CTSB: variants seen among roughly 807,000 people sequenced by gnomAD.
CTSB encodes cathepsin B, also known as APP secretase.
In CTSB, 57 loss-of-function variants were observed where a neutral mutation model predicts 44.3. The ratio of observed to expected loss-of-function variants is 1.29; its 90% confidence interval spans 1.04 to 1.60. The LOEUF (loss-of-function observed/expected upper bound fraction) is 1.60. CTSB is among the 40% of genes most tolerant of loss of function. CTSB has a pLI of 0.00. For synonymous variants in CTSB, 320 were observed against 168.0 expected, an observed-to-expected ratio of 1.91 and a Z score of -7.00; for missense variants, 768 against 443.0, an observed-to-expected ratio of 1.73 and a Z score of -6.59.
chr8:11,854,089 G>C (rs1425948624), intron 1 of CTSB, among the ~76,000 whole-genome samples: 1 of 152,144 alleles, frequency 6.6e-6, no homozygotes, highest in East Asian at 1.9e-4. Flanking sequence ...CTCTCACCTC[G>C]ATGCCCCAGC....
rs200664537 is a variant in CTSB, at chr8:11,847,084, G to A, written c.761C>T (p.Ser254Phe). The change falls in exon 8 of 10, where the codon TCT becomes TTT. Residue 254 changes from serine (S) to phenylalanine (F), a missense_variant. Coordinates refer to ENST00000353047, the MANE Select transcript of CTSB (RefSeq NM_001908.5). ...YKNGPVEGAF[S>F]VYSDFLLYKS... Reference sequence around the variant, plus strand: ...GTAGAGCAGGAAGTCCGAATACACAGAGAAAGCTCCCTCCACGGGGCCGTT... The same window carrying A: ...GTAGAGCAGGAAGTCCGAATACACAAAGAAAGCTCCCTCCACGGGGCCGTT... 3 of 1,608,718 alleles carry A rather than the reference G, an allele frequency of 1.9e-6. No individual in the cohort carries two copies. Among genetic ancestry groups the A allele is most frequent in the Non-Finnish European group, 2.6e-6 (3 of 1,176,308 alleles).
intron 1 of CTSB, among the ~76,000 whole-genome samples, chr8:11,860,008 GT>G (rs1324862881): frequency 6.6e-6 from 1 of 151,574 alleles, no homozygotes; most frequent in Non-Finnish European, 1.5e-5. Context: ...GGAGGCAGAG[GT>G]TGCAGTGAGC....
rs201207819 is a variant in CTSB, at chr8:11,849,189, G to A, written c.328-25C>T. On this transcript the variant is annotated intron_variant, in intron 4 of 9. Coordinates refer to ENST00000353047, the MANE Select transcript of CTSB (RefSeq NM_001908.5). The stretch of plus-strand genomic sequence containing the variant: ...CCTGCAGGAACGAGCCCCACCGGGT[G>A]AGGCTGCCATGTCCGGGCTGGGCCC... The A allele has an allele frequency of 1.6e-5, 26 of 1,597,660 alleles. No individual in the cohort carries two copies. The Admixed American group carries it at 4.0e-4, about 25-fold the overall frequency.
chr8:11,856,568 G>A (rs770199277), intron 1 of CTSB, among the ~76,000 whole-genome samples: 4 of 152,170 alleles, frequency 2.6e-5, no homozygotes, highest in Admixed American at 1.3e-4. Flanking sequence ...CAGCCTGGAC[G>A]ACAGATTGAG....
intron 9 of CTSB, 87 bp from the exon 10 acceptor site, chr8:11,845,309 C>A (rs1813068141): frequency 9.9e-7 from 1 of 1,005,322 alleles, no homozygotes; most frequent in South Asian, 1.4e-5. Flanking sequence ...TTAAGTCACT[C>A]ATCCCTGGCC....
intron 1 of CTSB, among the ~76,000 whole-genome samples, chr8:11,855,475 T>A (rs932069073): frequency 1.5e-4 from 23 of 151,846 alleles, no homozygotes; most frequent in African/African-American, 5.6e-4. Flanking sequence ...TGGACAACAT[T>A]GTGAGACCCC....
chr8:11,854,136 G>A (rs1427501093), intron 1 of CTSB, among the ~76,000 whole-genome samples: 1 of 152,222 alleles, frequency 6.6e-6, no homozygotes, highest in Non-Finnish European at 1.5e-5. Flanking sequence ...TCACAAGCCA[G>A]TGCTTTCCAG....
rs1166104499 is a variant in CTSB at position 11,845,136 on chromosome 8, C to G, written c.1009G>C (p.Glu337Gln). ...AGIPRTDQYW[E>Q]KI ...AGGCCCACGGCAGATTAGATCTTTT[C>G]CCAGTACTGATCGGTGCGTGGAATT... The change falls in exon 10 of 10, where the codon GAA becomes CAA. Residue 337 changes from glutamate to glutamine, a missense_variant. Coordinates refer to ENST00000353047, the MANE Select transcript of CTSB (RefSeq NM_001908.5). 6.2e-7 allele frequency: 1 copy of G among 1,612,750 alleles called. No individual in the cohort carries two copies. Among genetic ancestry groups the G allele is most frequent in the Non-Finnish European group, 8.5e-7 (1 of 1,178,716 alleles).
At chr8:11,858,978 A>C (rs1231377074) in intron 1 of CTSB, among the ~76,000 whole-genome samples, 1 of 152,134 alleles carries the variant, frequency 6.6e-6, no homozygotes, top group Non-Finnish European at 1.5e-5. Flanking sequence ...GAAGGATGTG[A>C]ACTCTTGTGT....
intron 1 of CTSB, 41 bp from the exon 2 acceptor site, chr8:11,853,520 T>C: frequency 5.1e-6 from 8 of 1,566,726 alleles, no homozygotes; most frequent in Middle Eastern, 1.8e-4. Flanking sequence ...CTCTGTTATG[T>C]GGGTCGAGGG....
intron 3 of CTSB, among the ~76,000 whole-genome samples, 174 bp downstream of exon 3, chr8:11,852,436 G>T (rs1293289): frequency 6.6e-6 from 1 of 152,096 alleles, no homozygotes; most frequent in Admixed American, 6.5e-5. Flanking sequence ...AAAATAAAAA[G>T]AGAAAGTAAT....
rs768493756 is a variant in CTSB at position 11,848,054 on chromosome 8, G to A, written c.532+13C>T. ...TCCATCTGGCCAGAAAGTGGCCAAGGGGACACACTTACCTACATGGGATTC... is the reference window on the plus strand; with the variant it reads ...TCCATCTGGCCAGAAAGTGGCCAAGAGGACACACTTACCTACATGGGATTC... On this transcript the variant is annotated intron_variant, in intron 6 of 9. Coordinates refer to ENST00000353047, the MANE Select transcript of CTSB (RefSeq NM_001908.5). 2 of 1,598,942 alleles carry A rather than the reference G, an allele frequency of 1.3e-6. No individual in the cohort carries two copies. The highest frequency in any genetic ancestry group is 2.2e-5 in the South Asian group (2 of 90,262).
chr8:11,860,206 C>T (rs1286596648), intron 1 of CTSB, among the ~76,000 whole-genome samples: 1 of 152,212 alleles, frequency 6.6e-6, no homozygotes, highest in Non-Finnish European at 1.5e-5. Context: ...AAGTTGCTAG[C>T]TCCTGGCTGA....
intron 5 of CTSB, chr8:11,848,547 A>G (rs145324211): frequency 2.8e-6 from 1 of 357,986 alleles, no homozygotes; most frequent in Non-Finnish European, 5.5e-6. Flanking sequence ...TTAACTAGTT[A>G]GGGGAGAAGC....
chr8:11,851,279 T>G (rs1158350296), intron 3 of CTSB, among the ~76,000 whole-genome samples: 2 of 152,150 alleles, frequency 1.3e-5, no homozygotes, highest in Non-Finnish European at 2.9e-5. Flanking sequence ...AACCTCTGCC[T>G]CCTGAGTTCA....
intron 3 of CTSB, among the ~76,000 whole-genome samples, chr8:11,852,011 G>C (rs909364603): frequency 1.3e-5 from 2 of 152,154 alleles, no homozygotes; most frequent in Admixed American, 6.5e-5. Context: ...TCAAGATTGA[G>C]TCTGCCCACA....
At position 11,843,489 on chromosome 8, in the gene CTSB, G is replaced by A. The variant is rs540037983; in HGVS notation, c.*1636C>T. 1 of 152,308 alleles carries A rather than the reference G, an allele frequency of 6.6e-6. No individual in the cohort carries two copies. The highest frequency in any genetic ancestry group is 1.9e-4 in the East Asian group (1 of 5,190). 9.4% of individuals were successfully genotyped at this position (152,308 alleles called of 1,614,324 possible). ...GTTCTTCTAGTTTGCTCTATACCAAGAACTGCTATAACATGTTTCTAAACC... is the reference window on the plus strand; with the variant it reads ...GTTCTTCTAGTTTGCTCTATACCAAAAACTGCTATAACATGTTTCTAAACC... On this transcript the variant is annotated 3_prime_UTR_variant, in exon 10 of 10. Transcript: ENST00000353047.
chr8:11,842,960 A>C lies in CTSB; in HGVS notation c.*2165T>G, dbSNP rs1156273981. 8.3e-5 allele frequency: 3 copies of C among 36,226 alleles called. No homozygotes were observed. Among genetic ancestry groups the C allele is most frequent in the African/African-American group, 4.2e-4 (3 of 7,216 alleles). The allele number at this position is 36,226 out of a possible 1,614,324, so 2.2% of individuals were successfully genotyped here. ...CCTTTTTTTTTTTTTTTTTTTTTTT[A>C]ATTATTGAGACGGAGCCTTGCGCTG... On this transcript the variant is annotated 3_prime_UTR_variant, in exon 10 of 10. Coordinates refer to ENST00000353047, the MANE Select transcript of CTSB (RefSeq NM_001908.5).
Position 11,868,054 on chromosome 8 carries a change from G to GCGTTGCCGGAGCGGTTGC in CTSB, c.-97_-80dup, listed in dbSNP as rs1817442194. The GCGTTGCCGGAGCGGTTGC allele has an allele frequency of 6.5e-6, 1 of 152,672 alleles. No homozygotes were observed. Among genetic ancestry groups the GCGTTGCCGGAGCGGTTGC allele is most frequent in the South Asian group, 2.1e-4 (1 of 4,838 alleles). The allele number at this position is 152,672 out of a possible 1,614,324, so 9.5% of individuals were successfully genotyped here. On this transcript the variant is annotated 5_prime_UTR_variant, in exon 1 of 10. Coordinates refer to ENST00000353047, the MANE Select transcript of CTSB (RefSeq NM_001908.5). ...CAGCCTGCGCGCAGCGGAGCGGTTG[G>GCGTTGCCGGAGCGGTTGC]CGTTGCCGGAGCGGTTGCCGGAGCC... is the stretch of plus-strand genomic sequence containing the variant.
Sources: gnomAD v4.1 joint callset for allele counts (sites outside exome capture counted in the v4.1 genomes callset) on GRCh38, gnomAD v4.1.1 for gene constraint, MANE v1.5 for transcripts, NCBI Gene and HGNC (gene_info 2026-07-23, HGNC 2026-07-21) for gene names.